The following EIF2B3 variants were observed in gnomAD, a reference collection of about 807,000 sequenced individuals.
EIF2B3 encodes translation initiation factor eIF2B subunit gamma.
A neutral mutation model predicts 54.1 loss-of-function variants in EIF2B3; 20 were observed. The ratio of observed to expected loss-of-function variants is 0.37; its 90% CI spans 0.26 to 0.54. The LOEUF (loss-of-function observed/expected upper bound fraction) is 0.54, where lower values mean the gene tolerates loss of function less well. Ranked by LOEUF, EIF2B3 falls within the 20% of genes least tolerant of loss-of-function variation. EIF2B3 has a pLI of 0.86. For synonymous variants in EIF2B3, 153 were observed against 188.1 expected, an observed-to-expected ratio of 0.81 and a Z score of 1.52; for missense variants, 448 against 547.8, an observed-to-expected ratio of 0.82 and a Z score of 1.82.
At chr1:44,875,458 A>G (rs1351622186) in intron 9 of EIF2B3, among the ~76,000 whole-genome samples, 160 bp downstream of exon 9, 1 of 152,206 alleles carries the variant, frequency 6.6e-6, no homozygotes, top group Non-Finnish European at 1.5e-5. Flanking sequence ...TTACTTGCCC[A>G]GGCAGTCTTG....
At chr1:44,975,427 T>A (rs1377673888) in intron 3 of EIF2B3, among the ~76,000 whole-genome samples, 3 of 152,196 alleles carry the variant, frequency 2.0e-5, no homozygotes, top group Non-Finnish European at 2.9e-5. Context: ...GCCTACTACA[T>A]ACCTAGGCTA....
At chr1:44,926,891 T>A in intron 4 of EIF2B3, 152 bp from the exon 5 acceptor site, 1 of 712,744 alleles carries the variant, frequency 1.4e-6, no homozygotes, top group South Asian at 1.7e-5. Flanking sequence ...TCCCAAGACT[T>A]TGGGAGGCCA....
Position 44,875,920 on chromosome 1 carries a change from A to G in EIF2B3, c.976-225T>C, listed in dbSNP as rs1655114583. On this transcript the variant is annotated intron_variant, in intron 8 of 11. Transcript: ENST00000360403. ...CTGCCTCAGCCTGCCGACTGCCTGC[A>G]ATTGCAGGCGCGCGCCGCCACGCCT... is the stretch of plus-strand genomic sequence containing the variant. Among the ~76,000 whole-genome samples the G allele has an allele frequency of 5.9e-5, 9 of 152,208 alleles. No individual in the cohort carries two copies. In the South Asian group the frequency reaches 1.9e-3, roughly 32 times the overall value.
At position 44,899,937 on chromosome 1, in the gene EIF2B3, C is replaced by G. The variant is rs146693240; in HGVS notation, c.567-2493G>C. On this transcript the variant is annotated intron_variant, in intron 5 of 11. Transcript: ENST00000360403. ...CAAAGACATGGATTCAACCTAGGTG[C>G]CCATCAACAGTGGACTGGATAAAGA... 2.3e-3 allele frequency among the ~76,000 whole-genome samples: 356 copies of G among 152,238 alleles called. 2 individuals carry two copies. The highest frequency in any genetic ancestry group is 8.2e-3 in the African/African-American group (342 of 41,538).
At chr1:44,958,723 C>T in intron 3 of EIF2B3, 1 of 1,589,564 alleles carries the variant, frequency 6.3e-7, no homozygotes, top group Non-Finnish European at 8.6e-7. Flanking sequence ...AGTACCCTTT[C>T]TGGAAAGCTA....
intron 4 of EIF2B3, among the ~76,000 whole-genome samples, chr1:44,939,809 T>G (rs1017263083): frequency 6.6e-6 from 1 of 152,076 alleles, no homozygotes; most frequent in Non-Finnish European, 1.5e-5. Context: ...GAAGAATAAG[T>G]TGATTTTTTA....
intron 4 of EIF2B3, chr1:44,932,558 T>G (rs1294026128): frequency 2.6e-5 from 4 of 152,180 alleles, no homozygotes; most frequent in Admixed American, 2.0e-4. Flanking sequence ...ATGTATTGTA[T>G]TCTTGAAAAT....
In EIF2B3 at chr1:44,851,153, C is replaced by T; in HGVS notation, c.1307-150G>A. On this transcript the variant is annotated intron_variant, in intron 11 of 11. Transcript: ENST00000360403. ...AATCTCGGCTTACTGCAACCTCCATCTCCCAGGTTCATGCGATTCTCCTGC... is the reference window on the plus strand; with the variant it reads ...AATCTCGGCTTACTGCAACCTCCATTTCCCAGGTTCATGCGATTCTCCTGC... 1.8e-5 allele frequency: 13 copies of T among 739,356 alleles called. No individual in the cohort carries two copies. In the South Asian group the frequency reaches 2.0e-4, roughly 11 times the overall value. The allele number at this position is 739,356 out of a possible 1,614,324, so 45.8% of individuals were successfully genotyped here.
At chr1:44,922,133 C>CT (rs1643749282) in intron 5 of EIF2B3, among the ~76,000 whole-genome samples, 1 of 151,220 alleles carries the variant, frequency 6.6e-6, no homozygotes. Context: ...TCTCTGGTCT[C>CT]TAACTCCTGA....
chr1:44,884,933 C>T (rs963904678), intron 6 of EIF2B3, among the ~76,000 whole-genome samples: 1 of 152,208 alleles, frequency 6.6e-6, no homozygotes, highest in African/African-American at 2.4e-5. Flanking sequence ...TGGAGCTCAA[C>T]ATTAGGTCAA....
intron 4 of EIF2B3, among the ~76,000 whole-genome samples, chr1:44,930,579 G>A (rs1643888159): frequency 6.6e-6 from 1 of 152,198 alleles, no homozygotes; most frequent in East Asian, 1.9e-4. Context: ...TAACCCCCTG[G>A]ATGGTAAGAG....
Position 44,986,560 on chromosome 1 carries a change from GCCGCAACCGCTCCCAGCGATCTC to G in EIF2B3, c.-100_-78del, listed in dbSNP as rs1224848059. On this transcript the variant is annotated 5_prime_UTR_variant, in exon 1 of 12. Transcript: ENST00000360403. Reference sequence around the variant, plus strand: ...ACAGCTATAACTCAGCTCCCGGCACGCCGCAACCGCTCCCAGCGATCTCCACGCCGCCTCTGACTGACAGCCCA... The same window carrying G: ...ACAGCTATAACTCAGCTCCCGGCACGCACGCCGCCTCTGACTGACAGCCCA... 12 of 152,524 alleles carry G rather than the reference GCCGCAACCGCTCCCAGCGATCTC, an allele frequency of 7.9e-5. No homozygotes were observed. The highest frequency in any genetic ancestry group is 1.5e-4 in the Non-Finnish European group (10 of 68,328). The allele number at this position is 152,524 out of a possible 1,614,324, so 9.4% of individuals were successfully genotyped here. A position where few individuals can be genotyped will look rare whatever the true frequency, so the allele number is the denominator to read the frequency against.
intron 10 of EIF2B3, among the ~76,000 whole-genome samples, chr1:44,871,997 G>A (rs536832374): frequency 6.6e-6 from 1 of 151,312 alleles, no homozygotes; most frequent in Non-Finnish European, 1.5e-5. Flanking sequence ...CCACCTCAGG[G>A]GTTACAGGTG....
chr1:44,929,402 T>A (rs1266253398), intron 4 of EIF2B3, among the ~76,000 whole-genome samples: 1 of 152,200 alleles, frequency 6.6e-6, no homozygotes, highest in Non-Finnish European at 1.5e-5. Flanking sequence ...AGATCACCAA[T>A]CAGATGGTCT....
intron 3 of EIF2B3, among the ~76,000 whole-genome samples, chr1:44,976,211 C>T (rs1394535200): frequency 6.6e-6 from 1 of 152,096 alleles, no homozygotes; most frequent in Non-Finnish European, 1.5e-5. Context: ...ATCTCACAAA[C>T]GACTTGCATC....
chr1:44,974,029 A>G (rs1644428757), intron 3 of EIF2B3, among the ~76,000 whole-genome samples: 1 of 152,242 alleles, frequency 6.6e-6, no homozygotes, highest in South Asian at 2.1e-4. Flanking sequence ...CACACCCCAC[A>G]TTATTGTATT....
At chr1:44,964,917 C>T (rs1465932418) in intron 3 of EIF2B3, among the ~76,000 whole-genome samples, 1 of 152,174 alleles carries the variant, frequency 6.6e-6, no homozygotes, top group Non-Finnish European at 1.5e-5. Flanking sequence ...CTAACTTGTT[C>T]TCGAGGAATA....
At chr1:44,955,268 G>C (rs531116259) in intron 3 of EIF2B3, among the ~76,000 whole-genome samples, 1 of 152,216 alleles carries the variant, frequency 6.6e-6, no homozygotes, top group Admixed American at 6.5e-5. Context: ...ATGAGGAAAG[G>C]ATTCCCTATT....
intron 5 of EIF2B3, among the ~76,000 whole-genome samples, chr1:44,920,707 A>C (rs529754440): frequency 6.6e-6 from 1 of 152,364 alleles, no homozygotes; most frequent in African/African-American, 2.4e-5. Flanking sequence ...ATGTTGTAGT[A>C]AATGACAGGA....
Sources: allele counts gnomAD v4.1 joint callset (sites outside exome capture counted in the v4.1 genomes callset), GRCh38; gene constraint gnomAD v4.1.1; transcripts MANE v1.5; gene names NCBI Gene and HGNC (gene_info 2026-07-23, HGNC 2026-07-21).